The following MYO7A variants were observed in gnomAD, a reference collection of about 807,000 sequenced individuals.
MYO7A encodes the protein myosin VIIA.
A neutral mutation model predicts 263.8 loss-of-function variants in MYO7A; 210 were observed. The observed-to-expected ratio is 0.80, with a 90% CI of 0.71 to 0.89. MYO7A has a LOEUF of 0.89. Among genes scored for constraint, MYO7A ranks in the 40% least tolerant of loss-of-function variants. The probability of loss-of-function intolerance (pLI) is 0.00; values close to 1 mark genes in which losing one functional copy is unlikely to be tolerated. For synonymous variants in MYO7A, 1,239 were observed against 1,197.3 expected (o/e 1.03, Z -0.72); for missense variants, 2,820 against 2,968.3 (o/e 0.95, Z 1.16).
chr11:77,175,319 C>A, intron 17 of MYO7A, 53 bp from the exon 18 acceptor site: 2 of 1,545,070 alleles, frequency 1.3e-6, no homozygotes, highest in Non-Finnish European at 1.8e-6. Context: ...ACTCCGGAGG[C>A]CTTCCCACTG....
At chr11:77,205,639 G>A (rs1957397183) in intron 40 of MYO7A, 22 bp downstream of exon 40, 2 of 1,612,526 alleles carry the variant, frequency 1.2e-6, no homozygotes, top group Non-Finnish European at 1.7e-6. Context: ...ACCAGGGGCA[G>A]GGACAGACAC....
In MYO7A at chr11:77,162,642, G is replaced by A. The variant is rs1340830003; in HGVS notation, c.1555-211G>A. Among the ~76,000 whole-genome samples, 4 of 152,178 alleles carry A rather than the reference G, an allele frequency of 2.6e-5. No individual in the cohort carries two copies. The East Asian group carries it at 5.8e-4, about 22-fold the overall frequency. ...TGATTTTAATCTTGGGAAATCGATTGTCTAAACTGGAATGCACTTTCAAAG... is the reference window on the plus strand; with the variant it reads ...TGATTTTAATCTTGGGAAATCGATTATCTAAACTGGAATGCACTTTCAAAG... On this transcript the variant is annotated intron_variant, in intron 13 of 48. Transcript: ENST00000409709.
intron 32 of MYO7A, 72 bp from the exon 33 acceptor site, chr11:77,197,409 A>G: frequency 3.3e-6 from 4 of 1,217,296 alleles, no homozygotes; most frequent in East Asian, 2.6e-5. Flanking sequence ...GCTAGAAGGC[A>G]GCAGCAGCTG....
At chr11:77,171,969 G>T (rs1428356119) in intron 15 of MYO7A, among the ~76,000 whole-genome samples, 1 of 152,234 alleles carries the variant, frequency 6.6e-6, no homozygotes, top group African/African-American at 2.4e-5. Context: ...ACCCCTGGCT[G>T]CGTCGGAGCC....
rs577244083 is a variant in MYO7A at position 77,143,379 on chromosome 11, A to T, written c.132+557A>T. Among the ~76,000 whole-genome samples the T allele has an allele frequency of 3.3e-5, 5 of 152,346 alleles. No homozygotes were observed. The East Asian group carries it at 9.7e-4, about 29-fold the overall frequency. On this transcript the variant is annotated intron_variant, in intron 3 of 48. Transcript: ENST00000409709. ...TGTGTTGGGTTACTGACATCACATGAATCCACTGTCCACCTTGACACTGCT... is the reference window on the plus strand; with the variant it reads ...TGTGTTGGGTTACTGACATCACATGTATCCACTGTCCACCTTGACACTGCT...
intron 1 of MYO7A, among the ~76,000 whole-genome samples, chr11:77,129,237 G>A (rs782241672): frequency 1.3e-5 from 2 of 152,176 alleles, no homozygotes; most frequent in Non-Finnish European, 2.9e-5. Flanking sequence ...ACAAGTGCCC[G>A]GTGGCAACTG....
intron 15 of MYO7A, among the ~76,000 whole-genome samples, chr11:77,169,284 C>T (rs1185574497): frequency 6.6e-6 from 1 of 152,268 alleles, no homozygotes. Context: ...CAGCCGTGGG[C>T]AGCCCCACCA....
At chr11:77,141,608 C>A (rs1951214789) in intron 2 of MYO7A, among the ~76,000 whole-genome samples, 1 of 152,216 alleles carries the variant, frequency 6.6e-6, no homozygotes, top group Admixed American at 6.5e-5. Flanking sequence ...GTCCTGGACC[C>A]TGCCTACTTC....
At chr11:77,188,659 T>TCACTGTGCCTGG (rs1216181656) in intron 27 of MYO7A, among the ~76,000 whole-genome samples, 1 of 152,220 alleles carries the variant, frequency 6.6e-6, no homozygotes, top group Non-Finnish European at 1.5e-5. Context: ...TATGAGGGGT[T>TCACTGTGCCTGG]CACTGTGCCT....
In MYO7A at chr11:77,184,521, G is replaced by A. The variant is rs1955514516; in HGVS notation, c.3376-67G>A. On this transcript the variant is annotated intron_variant, in intron 26 of 48. Transcript: ENST00000409709. ...TTCTGGGGAGCAGGCAGCCTCGGGT[G>A]CTGGTGCCCTGGCTGGCAGGGGAAC... is the stretch of plus-strand genomic sequence containing the variant. The A allele has an allele frequency of 3.5e-6, 5 of 1,412,410 alleles. No individual in the cohort carries two copies. The South Asian group carries it at 3.7e-5, about 10-fold the overall frequency. 87.5% of individuals were successfully genotyped at this position (1,412,410 alleles called of 1,614,324 possible). A position where few individuals can be genotyped will look rare whatever the true frequency, so the allele number is the denominator to read the frequency against.
rs775815781 is a variant in MYO7A, at chr11:77,206,150, A to G, written c.5690A>G (p.His1897Arg). 1 of 1,613,556 alleles carries G rather than the reference A, an allele frequency of 6.2e-7. No homozygotes were observed. The highest frequency in any genetic ancestry group is 8.5e-7 in the Non-Finnish European group (1 of 1,179,734). Residue 1897 changes from histidine to arginine, a missense_variant, in exon 41 of 49, where the codon CAC becomes CGC. By Grantham distance (29) the His-to-Arg change is conservative. Coordinates refer to ENST00000409709, the MANE Select transcript of MYO7A (RefSeq NM_000260.4). ...PHLVEVEAIQHKTTQIFHKVY... is the reference protein window; with the variant it reads ...PHLVEVEAIQRKTTQIFHKVY... ...CTGGTGGAGGTGGAGGCCATCCAGC[A>G]CAAGACCACCCAGATTTTCCACAAA...
Position 77,211,373 on chromosome 11 carries a change from C to T in MYO7A, c.6237+36C>T, listed in dbSNP as rs755657547. ...GGTGGGCATCGGGAATGGTGGGGCC[C>T]TGAATGGGCCTCGGGGCACCCCAGG... is the stretch of plus-strand genomic sequence containing the variant. On this transcript the variant is annotated intron_variant, in intron 45 of 48. Transcript: ENST00000409709. 8 of 1,547,360 alleles carry T rather than the reference C, an allele frequency of 5.2e-6. 1 individual carries two copies. The South Asian group carries it at 8.4e-5, about 16-fold the overall frequency.
At chr11:77,188,459 A>C (rs1281277523) in intron 27 of MYO7A, among the ~76,000 whole-genome samples, 2 of 152,218 alleles carry the variant, frequency 1.3e-5, no homozygotes, top group African/African-American at 4.8e-5. Flanking sequence ...ATAAACTCTC[A>C]AAACTGTTGA....
rs940177988 is a variant in MYO7A, at chr11:77,181,747, C to G, written c.2904+158C>G. Among the ~76,000 whole-genome samples the G allele has an allele frequency of 4.6e-5, 7 of 151,608 alleles. No homozygotes were observed. In the South Asian group the frequency reaches 1.5e-3, roughly 32 times the overall value. On this transcript the variant is annotated intron_variant, in intron 23 of 48. Coordinates refer to ENST00000409709, the MANE Select transcript of MYO7A (RefSeq NM_000260.4). Reference sequence around the variant, plus strand: ...GGGCTGCAGGTCCCAGGTCCTGTCCCTCTCCAACGCCCTTCTCAAGTTTTT... The same window carrying G: ...GGGCTGCAGGTCCCAGGTCCTGTCCGTCTCCAACGCCCTTCTCAAGTTTTT...
At chr11:77,209,751 T>G (rs563082114) in intron 44 of MYO7A, among the ~76,000 whole-genome samples, 1 of 152,358 alleles carries the variant, frequency 6.6e-6, no homozygotes, top group Non-Finnish European at 1.5e-5. Context: ...GGCAGTGACC[T>G]TCTCCCTGTT....
rs1565470008 is a variant in MYO7A, at chr11:77,203,231, TG to T, written c.5326+17del. The stretch of plus-strand genomic sequence containing the variant: ...TGGCCTTCATTGATATCCGTGCCAC[TG>T]GGCTGTGCCCAGGGGAGCCAGGGAC... On this transcript the variant is annotated intron_variant, in intron 38 of 48. Coordinates refer to ENST00000409709, the MANE Select transcript of MYO7A (RefSeq NM_000260.4). 1.9e-6 allele frequency: 3 copies of T among 1,550,244 alleles called. No individual in the cohort carries two copies. The Admixed American group carries it at 5.8e-5, about 30-fold the overall frequency.
intron 2 of MYO7A, among the ~76,000 whole-genome samples, chr11:77,141,442 T>A (rs1555050560): frequency 6.6e-6 from 1 of 152,088 alleles, no homozygotes; most frequent in African/African-American, 2.4e-5. Flanking sequence ...ATCAGTTTTA[T>A]AAGTTGTTAC....
At chr11:77,194,897 T>C (rs1255349133) in intron 32 of MYO7A, among the ~76,000 whole-genome samples, 1 of 152,112 alleles carries the variant, frequency 6.6e-6, no homozygotes, top group Admixed American at 6.5e-5. Context: ...ACTTCCCGCC[T>C]GGGGAGCTTT....
At chr11:77,168,625 T>A (rs1454872932) in intron 15 of MYO7A, among the ~76,000 whole-genome samples, 2 of 152,102 alleles carry the variant, frequency 1.3e-5, no homozygotes, top group Non-Finnish European at 2.9e-5. Flanking sequence ...TGAGACCCTG[T>A]GTCTACAAAA....
Sources: gnomAD v4.1 joint callset for allele counts (sites outside exome capture counted in the v4.1 genomes callset) on GRCh38, gnomAD v4.1.1 for gene constraint, MANE v1.5 for transcripts, NCBI Gene and HGNC (gene_info 2026-07-23, HGNC 2026-07-21) for gene names.